The following ENOX2 variants were observed in gnomAD, a reference collection of about 807,000 sequenced individuals.
ENOX2 encodes the protein APK1 antigen.
In ENOX2, 36 loss-of-function variants were observed where a neutral mutation model predicts 45.0. The observed-to-expected ratio is 0.80, with a 90% CI of 0.61 to 1.06. The LOEUF is 1.06. Among genes scored for constraint, ENOX2 ranks in the 50% least tolerant of loss-of-function variants. ENOX2 has a pLI of 0.00. For synonymous variants in ENOX2, 174 were observed against 152.3 expected (o/e 1.14, Z -1.05); for missense variants, 423 against 462.5 (o/e 0.91, Z 0.78).
chrX:130,696,257 C>T (rs1168261660), intron 4 of ENOX2, among the ~76,000 whole-genome samples: 1 of 111,686 alleles, frequency 9.0e-6, no homozygotes, highest in Non-Finnish European at 1.9e-5. Flanking sequence ...CCTCTGTAGC[C>T]CATCTTCCCT....
intron 3 of ENOX2, among the ~76,000 whole-genome samples, chrX:130,765,180 A>G (rs1382125406): frequency 1.8e-5 from 2 of 111,374 alleles, no homozygotes; most frequent in Non-Finnish European, 3.8e-5. Flanking sequence ...ACACACTCTC[A>G]GCAGTGGTCC....
rs183586875 is a variant in ENOX2, at chrX:130,706,689, T to C, written c.-38-3435A>G. 4.8e-3 allele frequency among the ~76,000 whole-genome samples: 534 copies of C among 112,079 alleles called. 1 individual carries two copies. Among genetic ancestry groups the C allele is most frequent in the African/African-American group, 0.016 (488 of 30,827 alleles). The stretch of plus-strand genomic sequence containing the variant: ...ATTAATAAAGAAAATTAATTTACAT[T>C]GATTTTGGGCACAATAAGCAGTCTA... On this transcript the variant is annotated intron_variant, in intron 3 of 14. Transcript: ENST00000394363.
At chrX:130,849,032 C>T (rs765366865) in intron 2 of ENOX2, among the ~76,000 whole-genome samples, 1 of 111,812 alleles carries the variant, frequency 8.9e-6, no homozygotes, top group Non-Finnish European at 1.9e-5. Context: ...AAATGAAACT[C>T]GCATCTGTAG....
At position 130,665,721 on chromosome X, in the gene ENOX2, G is replaced by A. The variant is rs146487391; in HGVS notation, c.936C>T (p.Ser312=). ...QFEQIVAVYH[S]ASKQKAWDHF... is the part of the protein sequence containing the mutation. ...GGTCCCATGCCTTCTGCTTGGAGGC[G>A]GAATGGTACACAGCCACTATCTGCT... The change falls in exon 9 of 15, where the codon TCC becomes TCT. Residue 312 remains serine, a synonymous_variant. Coordinates refer to ENST00000394363, the MANE Select transcript of ENOX2 (RefSeq NM_006375.4). 1.6e-5 allele frequency: 19 copies of A among 1,198,140 alleles called. No homozygotes were observed. The African/African-American group carries it at 1.6e-4, about 10-fold the overall frequency.
At chrX:130,657,284 T>C (rs973390910) in intron 9 of ENOX2, among the ~76,000 whole-genome samples, 1 of 111,995 alleles carries the variant, frequency 8.9e-6, no homozygotes, top group African/African-American at 3.2e-5. Context: ...AGCAGACATA[T>C]TCTGAAGAGA....
intron 14 of ENOX2, among the ~76,000 whole-genome samples, chrX:130,626,980 T>C (rs2035561523): frequency 9.1e-6 from 1 of 109,770 alleles, no homozygotes; most frequent in African/African-American, 3.3e-5. Flanking sequence ...GAGTCAAGAG[T>C]CCCCTCCTGC....
At chrX:130,756,579 C>A (rs191093880) in intron 3 of ENOX2, among the ~76,000 whole-genome samples, 3 of 111,959 alleles carry the variant, frequency 2.7e-5, no homozygotes, top group Non-Finnish European at 5.6e-5. Context: ...TCTTCTGACC[C>A]GAGGGGCCCT....
intron 2 of ENOX2, among the ~76,000 whole-genome samples, chrX:130,846,337 A>T (rs1427644263): frequency 3.0e-5 from 3 of 99,799 alleles, no homozygotes; most frequent in Admixed American, 1.1e-4. Flanking sequence ...CCATGTGGCA[A>T]TTTTTTTTTT....
intron 2 of ENOX2, among the ~76,000 whole-genome samples, chrX:130,804,271 T>C (rs1428801514): frequency 2.7e-5 from 3 of 112,111 alleles, no homozygotes; most frequent in Non-Finnish European, 5.6e-5. Flanking sequence ...CATCATTCTA[T>C]ACTTATATTT....
At chrX:130,854,262 A>T (rs1369989667) in intron 2 of ENOX2, among the ~76,000 whole-genome samples, 1 of 112,414 alleles carries the variant, frequency 8.9e-6, no homozygotes, top group East Asian at 2.8e-4. Flanking sequence ...ACAAAAATTT[A>T]AAAATCCTGG....
chrX:130,804,499 C>T (rs1298006238), intron 2 of ENOX2, among the ~76,000 whole-genome samples: 1 of 111,722 alleles, frequency 9.0e-6, no homozygotes, highest in African/African-American at 3.3e-5. Context: ...GACAATTGCA[C>T]TAGTATCTCT....
chrX:130,686,156 G>A (rs1360941017), intron 5 of ENOX2, among the ~76,000 whole-genome samples: 3 of 110,652 alleles, frequency 2.7e-5, no homozygotes, highest in Non-Finnish European at 5.7e-5. Flanking sequence ...GATATGGTTC[G>A]GCCCTGTGTT....
At chrX:130,826,206 A>G (rs1259908986) in intron 2 of ENOX2, among the ~76,000 whole-genome samples, 1 of 111,684 alleles carries the variant, frequency 9.0e-6, no homozygotes, top group Non-Finnish European at 1.9e-5. Flanking sequence ...ACATTCAAAA[A>G]CTAAAGTTAA....
chrX:130,742,218 C>T (rs970801293), intron 3 of ENOX2, among the ~76,000 whole-genome samples: 1 of 94,136 alleles, frequency 1.1e-5, no homozygotes, highest in Admixed American at 1.2e-4. Context: ...AGTGTAAGAA[C>T]ATGTCTGGTT....
chrX:130,861,976 C>T (rs1049219821), intron 2 of ENOX2, among the ~76,000 whole-genome samples: 4 of 111,017 alleles, frequency 3.6e-5, no homozygotes, highest in Admixed American at 2.9e-4. Context: ...TGGTTTATAC[C>T]AATAAAGTGG....
At chrX:130,667,870 C>T in intron 7 of ENOX2, 128 bp from the exon 8 acceptor site, 1 of 475,118 alleles carries the variant, frequency 2.1e-6, no homozygotes, top group Non-Finnish European at 3.6e-6. Context: ...GGATGAGGAG[C>T]CACACATACA....
At chrX:130,800,126 C>G (rs763828718) in intron 2 of ENOX2, among the ~76,000 whole-genome samples, 1 of 110,369 alleles carries the variant, frequency 9.1e-6, no homozygotes, top group Non-Finnish European at 1.9e-5. Context: ...AATAAATTAC[C>G]CTAATTGACC....
At chrX:130,861,890 T>C (rs2148537376) in intron 2 of ENOX2, among the ~76,000 whole-genome samples, 1 of 111,720 alleles carries the variant, frequency 9.0e-6, no homozygotes, top group South Asian at 3.8e-4. Flanking sequence ...TTGTGGTGTA[T>C]ACTTATCTCC....
intron 2 of ENOX2, among the ~76,000 whole-genome samples, chrX:130,884,379 C>T (rs932114837): frequency 8.9e-6 from 1 of 111,895 alleles, no homozygotes; most frequent in Non-Finnish European, 1.9e-5. Flanking sequence ...ATCTCTGGCC[C>T]ATTTTCTTAT....
Sources: gnomAD v4.1 joint callset for allele counts (sites outside exome capture counted in the v4.1 genomes callset) on GRCh38, gnomAD v4.1.1 for gene constraint, MANE v1.5 for transcripts, NCBI Gene and HGNC (gene_info 2026-07-23, HGNC 2026-07-21) for gene names.